The following APP variants were observed in gnomAD, a reference collection of about 807,000 sequenced individuals.
APP encodes the protein amyloid beta precursor protein.
Under a neutral mutation model 101.4 loss-of-function variants are expected in APP, and 31 were observed. The observed-to-expected ratio is 0.31, with a 90% CI of 0.23 to 0.41. The LOEUF is 0.41. Ranked by LOEUF, APP falls within the 10% of genes least tolerant of loss-of-function variation. APP has a pLI of 1.00. For synonymous variants in APP, 366 were observed against 364.4 expected (o/e 1.00, Z -0.05); for missense variants, 839 against 1,003.7 (o/e 0.84, Z 2.22).
intron 2 of APP, among the ~76,000 whole-genome samples, chr21:26,096,378 G>C (rs1298087725): frequency 2.6e-5 from 4 of 152,230 alleles, no homozygotes; most frequent in African/African-American, 7.2e-5. Flanking sequence ...ACTATCAGGA[G>C]GCTGCTGACC....
intron 13 of APP, chr21:25,934,343 C>G (rs905798185): frequency 2.0e-5 from 3 of 152,160 alleles, no homozygotes; most frequent in Middle Eastern, 3.2e-3. Context: ...TCCAGCAGCC[C>G]TAGGAATCTA....
At chr21:26,110,453 A>AG (rs1239222802) in intron 2 of APP, among the ~76,000 whole-genome samples, 2 of 152,174 alleles carry the variant, frequency 1.3e-5, no homozygotes, top group Non-Finnish European at 2.9e-5. Context: ...CTCAAAAAAA[A>AG]ACAAAACAAA....
intron 1 of APP, among the ~76,000 whole-genome samples, chr21:26,133,153 G>C (rs117980503): frequency 6.6e-5 from 10 of 152,120 alleles, no homozygotes; most frequent in Non-Finnish European, 2.9e-5. Flanking sequence ...AGGGAGGATC[G>C]CTTGAGCCCA....
At chr21:26,146,991 C>T (rs994181714) in intron 1 of APP, among the ~76,000 whole-genome samples, 1 of 152,166 alleles carries the variant, frequency 6.6e-6, no homozygotes, top group Non-Finnish European at 1.5e-5. Context: ...ACACTTTTAT[C>T]TTGCACTAAT....
chr21:26,042,530 T>G (rs2045417786), intron 5 of APP, among the ~76,000 whole-genome samples: 1 of 152,230 alleles, frequency 6.6e-6, no homozygotes, highest in African/African-American at 2.4e-5. Flanking sequence ...TGCTTTTGAC[T>G]AGATGTAGCA....
intron 2 of APP, among the ~76,000 whole-genome samples, chr21:26,093,307 T>G (rs2061866466): frequency 6.6e-6 from 1 of 152,196 alleles, no homozygotes; most frequent in African/African-American, 2.4e-5. Flanking sequence ...GGGACATGAC[T>G]TTATGTGCAG....
intron 1 of APP, among the ~76,000 whole-genome samples, chr21:26,122,702 TGAA>T (rs1370639609): frequency 6.7e-6 from 1 of 149,676 alleles, no homozygotes; most frequent in African/African-American, 2.5e-5. Flanking sequence ...GTAACACGTA[TGAA>T]GAAGATTTTA....
chr21:26,095,612 A>G (rs2061924848), intron 2 of APP, among the ~76,000 whole-genome samples: 2 of 152,196 alleles, frequency 1.3e-5, no homozygotes, highest in Admixed American at 1.3e-4. Flanking sequence ...TGGGTTTGGT[A>G]CTATCTAAGG....
chr21:26,153,316 T>G (rs987875982), intron 1 of APP, among the ~76,000 whole-genome samples: 10 of 152,152 alleles, frequency 6.6e-5, no homozygotes, highest in African/African-American at 9.7e-5. Flanking sequence ...TCTCAAAAAT[T>G]TTAAGCCCTA....
intron 3 of APP, among the ~76,000 whole-genome samples, chr21:26,064,935 C>A (rs192953770): frequency 2.0e-5 from 3 of 152,314 alleles, no homozygotes; most frequent in East Asian, 3.9e-4. Flanking sequence ...CTCACTGCAA[C>A]CTCCACCTCC....
In APP at chr21:25,905,002, A is replaced by T. The variant is rs771520531; in HGVS notation, c.1963+22T>A. ...GCTTAGGCCCAAGATGCGGAGAGGC[A>T]CAAGTCAAGCGGTTCTGATACCTGG... On this transcript the variant is annotated intron_variant, in intron 15 of 17. Coordinates refer to ENST00000346798, the MANE Select transcript of APP (RefSeq NM_000484.4). The T allele has an allele frequency of 1.6e-5, 26 of 1,612,300 alleles. No homozygotes were observed. The Admixed American group carries it at 3.3e-4, about 21-fold the overall frequency.
At position 25,881,079 on chromosome 21, in the gene APP, C is replaced by T. The variant is rs748281356; in HGVS notation, c.*591G>A. ...CATAAAACAGGCACGAAGAAACAAACGTGTGTATCCTCTTAATTCCTATAT... is the reference window on the plus strand; with the variant it reads ...CATAAAACAGGCACGAAGAAACAAATGTGTGTATCCTCTTAATTCCTATAT... On this transcript the variant is annotated 3_prime_UTR_variant, in exon 18 of 18. Transcript: ENST00000346798. 1 of 155,588 alleles carries T rather than the reference C, an allele frequency of 6.4e-6. No homozygotes were observed. Among genetic ancestry groups the T allele is most frequent in the Non-Finnish European group, 1.4e-5 (1 of 69,880 alleles). 9.6% of individuals were successfully genotyped at this position (155,588 alleles called of 1,614,324 possible).
intron 1 of APP, among the ~76,000 whole-genome samples, chr21:26,149,872 T>C (rs1485145068): frequency 1.3e-5 from 2 of 152,182 alleles, no homozygotes; most frequent in East Asian, 1.9e-4. Context: ...GATGGAATGT[T>C]TGTAAGCTCA....
At chr21:26,077,565 C>G (rs529702576) in intron 3 of APP, among the ~76,000 whole-genome samples, 2 of 152,178 alleles carry the variant, frequency 1.3e-5, no homozygotes, top group Admixed American at 1.3e-4. Flanking sequence ...CCAGTAGAAC[C>G]CTAAGAAGCA....
chr21:26,131,253 A>AAATG (rs1270578966), intron 1 of APP, among the ~76,000 whole-genome samples: 16 of 151,702 alleles, frequency 1.1e-4, no homozygotes, highest in East Asian at 7.8e-4. Context: ...ATAAATAAAT[A>AAATG]AATTAATTAA....
intron 16 of APP, among the ~76,000 whole-genome samples, chr21:25,892,834 A>G (rs1029599105): frequency 6.6e-6 from 1 of 152,234 alleles, no homozygotes; most frequent in Non-Finnish European, 1.5e-5. Flanking sequence ...TAAGGAGTTG[A>G]TCTTATGCCA....
intron 2 of APP, among the ~76,000 whole-genome samples, chr21:26,105,442 G>C (rs1251688694): frequency 6.6e-6 from 1 of 151,814 alleles, no homozygotes; most frequent in Non-Finnish European, 1.5e-5. Context: ...AAGGAAACGT[G>C]GTAACATTGT....
intron 6 of APP, among the ~76,000 whole-genome samples, chr21:26,021,299 C>T (rs918269616): frequency 4.6e-5 from 7 of 152,134 alleles, no homozygotes; most frequent in African/African-American, 1.7e-4. Flanking sequence ...CCGCCTGCCT[C>T]GGCCTCCCAA....
intron 1 of APP, among the ~76,000 whole-genome samples, chr21:26,135,582 A>G (rs2062878695): frequency 6.6e-6 from 1 of 152,170 alleles, no homozygotes; most frequent in Non-Finnish European, 1.5e-5. Flanking sequence ...TATATACAGA[A>G]GGCAGCACAT....
Sources: allele counts gnomAD v4.1 joint callset (sites outside exome capture counted in the v4.1 genomes callset), GRCh38; gene constraint gnomAD v4.1.1; transcripts MANE v1.5; gene names NCBI Gene and HGNC (gene_info 2026-07-23, HGNC 2026-07-21).